Variants in RMDN2 observed in about 807,000 individuals in gnomAD.
RMDN2 encodes the protein regulator of microtubule dynamics protein 2.
Under a neutral mutation model 52.8 loss-of-function variants are expected in RMDN2, and 61 were observed. The observed-to-expected ratio is 1.16, with a 90% CI of 0.94 to 1.43. The LOEUF is 1.43. RMDN2 is among the 40% of genes most tolerant of loss of function. RMDN2 has a pLI of 0.00. For synonymous variants in RMDN2, 180 were observed against 153.1 expected, an observed-to-expected ratio of 1.18 and a Z score of -1.30; for missense variants, 592 against 475.3, an observed-to-expected ratio of 1.25 and a Z score of -2.28.
Position 38,017,371 on chromosome 2 carries a change from C to G in RMDN2, c.*132C>G. 1 of 1,394,238 alleles carries G rather than the reference C, an allele frequency of 7.2e-7. No individual in the cohort carries two copies. The highest frequency in any genetic ancestry group is 2.7e-5 in the East Asian group (1 of 37,468). The allele number at this position is 1,394,238 out of a possible 1,614,324, so 86.4% of individuals were successfully genotyped here. On this transcript the variant is annotated 3_prime_UTR_variant, in exon 11 of 11. Coordinates refer to ENST00000354545, the MANE Select transcript of RMDN2 (RefSeq NM_001170791.3). ...TAGATTTGAAGGTAAAGCCATGTTT[C>G]TGCAGAATGCATTCCACTAGTAGCA...
At chr2:38,015,091 T>C (rs1678561503) in intron 10 of RMDN2, among the ~76,000 whole-genome samples, 1 of 152,216 alleles carries the variant, frequency 6.6e-6, no homozygotes, top group South Asian at 2.1e-4. Flanking sequence ...TGGCTTTTTC[T>C]AGAAAGTTAG....
intron 10 of RMDN2, 92 bp from the exon 11 acceptor site, chr2:38,017,094 A>G: frequency 1.6e-6 from 1 of 627,934 alleles, no homozygotes; most frequent in Non-Finnish European, 2.4e-6. Flanking sequence ...ATGTTGGGGA[A>G]TCTCCTCAAG....
intron 10 of RMDN2, among the ~76,000 whole-genome samples, chr2:38,060,351 C>T (rs1023686958): frequency 6.6e-6 from 1 of 152,130 alleles, no homozygotes; most frequent in Non-Finnish European, 1.5e-5. Flanking sequence ...TTACAGCAAT[C>T]ATTCCTGGAA....
At chr2:37,935,963 A>AT (rs1667252096) in intron 2 of RMDN2, among the ~76,000 whole-genome samples, 3 of 152,142 alleles carry the variant, frequency 2.0e-5, no homozygotes, top group South Asian at 2.1e-4. Context: ...GTTTGTTAAC[A>AT]TAGGTAGACA....
At chr2:38,066,881 C>G (rs1682305823) in intron 10 of RMDN2, 1 of 1,054,640 alleles carries the variant, frequency 9.5e-7, no homozygotes. Context: ...TTAAACCACT[C>G]CATAGCCATA....
chr2:38,023,252 A>G lies in RMDN2; in HGVS notation c.1713+19036A>G, dbSNP rs557374030. 9.8e-5 allele frequency among the ~76,000 whole-genome samples: 15 copies of G among 152,302 alleles called. No homozygotes were observed. The East Asian group carries it at 2.1e-3, about 22-fold the overall frequency. On this transcript the variant is annotated intron_variant, in intron 10 of 10. Transcript: ENST00000234195. The stretch of plus-strand genomic sequence containing the variant: ...AGTCCATGCTGTGGTCAGCCACTGT[A>G]CAATCCTGCCAGCAAATGGGAGAAT...
At chr2:37,937,211 T>G (rs1038966603) in intron 2 of RMDN2, among the ~76,000 whole-genome samples, 15 of 152,182 alleles carry the variant, frequency 9.9e-5, no homozygotes, top group African/African-American at 3.6e-4. Flanking sequence ...ATCAGATGGT[T>G]GTAGATGTGT....
chr2:37,975,966 A>G (rs1450067221), intron 4 of RMDN2, among the ~76,000 whole-genome samples: 1 of 152,242 alleles, frequency 6.6e-6, no homozygotes, highest in East Asian at 1.9e-4. Flanking sequence ...TTGAGAAACA[A>G]TAACAGGCAG....
chr2:37,982,296 C>T (rs1673427743), intron 5 of RMDN2, among the ~76,000 whole-genome samples: 1 of 152,308 alleles, frequency 6.6e-6, no homozygotes, highest in African/African-American at 2.4e-5. Context: ...GGGGGAGCTC[C>T]ACTCACAAAC....
At chr2:37,970,050 A>G (rs1031689225) in intron 2 of RMDN2, among the ~76,000 whole-genome samples, 3 of 151,250 alleles carry the variant, frequency 2.0e-5, no homozygotes, top group Non-Finnish European at 2.9e-5. Context: ...CTCTCACCTC[A>G]CCCTCCTGAG....
At chr2:38,046,724 C>G (rs1015266138) in intron 10 of RMDN2, among the ~76,000 whole-genome samples, 2 of 152,074 alleles carry the variant, frequency 1.3e-5, no homozygotes, top group Non-Finnish European at 2.9e-5. Context: ...GTGGCTCACG[C>G]CTATAATCCC....
chr2:37,979,604 T>A (rs1673036622), intron 4 of RMDN2, among the ~76,000 whole-genome samples: 3 of 152,236 alleles, frequency 2.0e-5, no homozygotes, highest in African/African-American at 2.4e-5. Context: ...TGAATCTTTA[T>A]TTAAAGAAAC....
At chr2:37,920,964 G>C (rs1314768346), upstream of RMDN2, among the ~76,000 whole-genome samples, 2 of 152,198 alleles carry the variant, frequency 1.3e-5, no homozygotes, top group Non-Finnish European at 2.9e-5. Context: ...GTTAGTACAT[G>C]CCTTTTTGAA....
chr2:38,028,629 G>C (rs915186753), intron 10 of RMDN2, among the ~76,000 whole-genome samples: 1 of 152,082 alleles, frequency 6.6e-6, no homozygotes, highest in Non-Finnish European at 1.5e-5. Context: ...ATTAAGCTGG[G>C]TGCAAATGGC....
intron 2 of RMDN2, among the ~76,000 whole-genome samples, chr2:37,943,729 A>C (rs1667987859): frequency 6.6e-6 from 1 of 152,166 alleles, no homozygotes; most frequent in African/African-American, 2.4e-5. Context: ...TGCATTTTTC[A>C]TGTTAAACTG....
intron 2 of RMDN2, among the ~76,000 whole-genome samples, chr2:37,940,895 A>G (rs766843580): frequency 6.6e-6 from 1 of 152,168 alleles, no homozygotes; most frequent in African/African-American, 2.4e-5. Flanking sequence ...ACTTCTGTCA[A>G]TTCATCAAAC....
In RMDN2 at chr2:37,981,626, A is replaced by G. The variant is rs541470261; in HGVS notation, c.791+283A>G. Reference sequence around the variant, plus strand: ...ACGTTATAATTAAATCTAGTTCAGTATAACATTTTGCTTGAACACAAATAC... The same window carrying G: ...ACGTTATAATTAAATCTAGTTCAGTGTAACATTTTGCTTGAACACAAATAC... On this transcript the variant is annotated intron_variant, in intron 5 of 10. Transcript: ENST00000354545. 2.6e-5 allele frequency among the ~76,000 whole-genome samples: 4 copies of G among 152,350 alleles called. No homozygotes were observed. The South Asian group carries it at 8.3e-4, about 32-fold the overall frequency.
intron 2 of RMDN2, among the ~76,000 whole-genome samples, chr2:37,953,996 C>T (rs531823627): frequency 6.6e-6 from 1 of 151,946 alleles, no homozygotes; most frequent in African/African-American, 2.4e-5. Context: ...TGTATATCTT[C>T]TTTGGAGAAA....
intron 10 of RMDN2, among the ~76,000 whole-genome samples, chr2:38,008,800 C>T (rs148945242): frequency 0.016 from 2,366 of 152,274 alleles, 55 homozygotes; most frequent in African/African-American, 0.054. Flanking sequence ...TTCCTAGCCT[C>T]GATGGTCTTT....
Sources: allele counts gnomAD v4.1 joint callset (sites outside exome capture counted in the v4.1 genomes callset), GRCh38; gene constraint gnomAD v4.1.1; transcripts MANE v1.5; gene names NCBI Gene and HGNC (gene_info 2026-07-23, HGNC 2026-07-21).